Variants in RBFOX2 observed in about 807,000 individuals in gnomAD.
RBFOX2 encodes the protein RNA binding fox-1 homolog 2, also known as RNA binding protein fox-1 homolog 2.
RBFOX2 carries 10 observed loss-of-function variants against 49.1 expected under a neutral mutation model. The ratio of observed to expected loss-of-function variants is 0.20; its 90% CI spans 0.13 to 0.35. The LOEUF (loss-of-function observed/expected upper bound fraction) is 0.35. RBFOX2 is among the 10% of genes least tolerant of loss of function. The pLI is 1.00. For synonymous variants in RBFOX2, 183 were observed against 187.4 expected (o/e 0.98, Z 0.19); for missense variants, 323 against 486.9 (o/e 0.66, Z 3.17).
At chr22:35,983,483 C>A (rs1026930348) in intron 1 of RBFOX2, among the ~76,000 whole-genome samples, 3 of 152,006 alleles carry the variant, frequency 2.0e-5, no homozygotes, top group Non-Finnish European at 2.9e-5. Flanking sequence ...ATAATAATTA[C>A]TTTTAGGAGA....
intron 1 of RBFOX2, among the ~76,000 whole-genome samples, chr22:35,882,202 C>A (rs1271906673): frequency 1.3e-5 from 2 of 152,022 alleles, no homozygotes; most frequent in East Asian, 3.9e-4. Context: ...GGAAGAAAAT[C>A]AGGAAAGTAT....
intron 1 of RBFOX2, among the ~76,000 whole-genome samples, chr22:35,984,008 C>T (rs540331719): frequency 3.9e-4 from 60 of 152,270 alleles, no homozygotes; most frequent in African/African-American, 1.4e-3. Context: ...CTCTTCCACT[C>T]AGATAATTTT....
At chr22:35,897,618 G>A in intron 1 of RBFOX2, 1 of 1,338,650 alleles carries the variant, frequency 7.5e-7, no homozygotes, top group African/African-American at 1.4e-5. Flanking sequence ...CGAAAGCAAA[G>A]GTTTTCCCAT....
At chr22:35,970,676 A>T in intron 1 of RBFOX2, among the ~76,000 whole-genome samples, 1 of 152,130 alleles carries the variant, frequency 6.6e-6, no homozygotes, top group East Asian at 1.9e-4. Flanking sequence ...AAAAAACAAG[A>T]AGAAGAAATG....
upstream of RBFOX2, chr22:35,938,982 T>C: frequency 7.8e-7 from 1 of 1,282,664 alleles, no homozygotes; most frequent in Non-Finnish European, 1.1e-6. Context: ...TGATCAAATA[T>C]AAATTCCTGC....
intron 1 of RBFOX2, among the ~76,000 whole-genome samples, chr22:35,874,267 T>C (rs765259965): frequency 1.3e-5 from 2 of 151,982 alleles, no homozygotes; most frequent in Non-Finnish European, 2.9e-5. Flanking sequence ...TACAAGGCAA[T>C]GTAAAAGGTA....
chr22:35,766,773 C>A (rs559452880), intron 5 of RBFOX2, among the ~76,000 whole-genome samples: 1 of 152,214 alleles, frequency 6.6e-6, no homozygotes, highest in South Asian at 2.1e-4. Context: ...AGAGCTGAAA[C>A]CAGCTGCTGG....
chr22:35,850,972 G>A (rs897780271), intron 1 of RBFOX2, among the ~76,000 whole-genome samples: 4 of 152,102 alleles, frequency 2.6e-5, no homozygotes, highest in Non-Finnish European at 5.9e-5. Context: ...GTCCCTAATC[G>A]TGGAGAGCCA....
upstream of RBFOX2, among the ~76,000 whole-genome samples, chr22:35,845,443 A>T (rs915656937): frequency 2.0e-5 from 3 of 152,254 alleles, no homozygotes; most frequent in East Asian, 5.8e-4. Flanking sequence ...AATGCTTTAG[A>T]TCTTATAGGC....
At chr22:35,946,633 T>C (rs1176225591) in intron 1 of RBFOX2, among the ~76,000 whole-genome samples, 2 of 152,200 alleles carry the variant, frequency 1.3e-5, no homozygotes, top group African/African-American at 4.8e-5. Flanking sequence ...AAGTAGCACA[T>C]TTCCAAATAA....
chr22:35,843,720 ATTG>A (rs969454323), upstream of RBFOX2, among the ~76,000 whole-genome samples: 2 of 151,886 alleles, frequency 1.3e-5, no homozygotes, highest in Admixed American at 6.6e-5. Context: ...CATCCTCTCA[ATTG>A]TTGTTGTTAC....
At chr22:35,797,328 T>A (rs769946995) in intron 2 of RBFOX2, among the ~76,000 whole-genome samples, 10 of 152,138 alleles carry the variant, frequency 6.6e-5, no homozygotes, top group Non-Finnish European at 1.3e-4. Flanking sequence ...AAGAAAAAAA[T>A]GGTGCTCCAT....
chr22:35,861,725 C>T (rs5755967), intron 1 of RBFOX2, among the ~76,000 whole-genome samples: 12,056 of 152,154 alleles, frequency 0.079, 510 homozygotes, highest in African/African-American at 0.091. Context: ...AACAGTTTAG[C>T]AAGTTCTTAT....
intron 1 of RBFOX2, among the ~76,000 whole-genome samples, chr22:35,982,879 C>G (rs930388028): frequency 1.3e-5 from 2 of 151,866 alleles, no homozygotes; most frequent in Non-Finnish European, 2.9e-5. Context: ...GCCTACAAAA[C>G]TACCACAGCC....
At chr22:35,833,350 G>A (rs1402725118) in intron 1 of RBFOX2, among the ~76,000 whole-genome samples, 1 of 152,148 alleles carries the variant, frequency 6.6e-6, no homozygotes, top group African/African-American at 2.4e-5. Flanking sequence ...ATGAGAAAAT[G>A]AGAAGGAGTG....
intron 1 of RBFOX2, among the ~76,000 whole-genome samples, chr22:35,826,233 T>C (rs1442615633): frequency 6.7e-6 from 1 of 148,396 alleles, no homozygotes; most frequent in Non-Finnish European, 1.5e-5. Context: ...TCTCAGCTAC[T>C]CGGGAGGCTG....
Position 35,759,952 on chromosome 22 carries a change from T to G in RBFOX2, c.823A>C (p.Arg275=). 1.2e-6 allele frequency: 2 copies of G among 1,613,896 alleles called. No homozygotes were observed. Among genetic ancestry groups the G allele is most frequent in the Non-Finnish European group, 8.5e-7 (1 of 1,180,044 alleles). Residue 275 remains arginine (R), a synonymous_variant, in exon 9 of 12, where the codon AGA becomes CGA. Coordinates refer to ENST00000405409, the Ensembl canonical transcript of RBFOX2. The surrounding 1 kb of genome is among the most constrained non-coding windows in gnomAD (Gnocchi z 4.6). ...ACTGCACCATATACTGTCCGCCCTC[T>G]GCCCCTCAAATGGGCTCCTCTGAAA...
intron 1 of RBFOX2, among the ~76,000 whole-genome samples, chr22:35,921,457 T>C (rs1202093712): frequency 6.6e-6 from 1 of 152,240 alleles, no homozygotes; most frequent in African/African-American, 2.4e-5. Flanking sequence ...CGGCTGGATT[T>C]GAAGCCACAC....
chr22:35,752,547 T>C (rs1176703821), intron 9 of RBFOX2: 1 of 867,600 alleles, frequency 1.2e-6, no homozygotes, highest in Non-Finnish European at 1.4e-6. Context: ...GAATGGTTAG[T>C]ATAATTCAAT....
Sources: allele counts gnomAD v4.1 joint callset (sites outside exome capture counted in the v4.1 genomes callset), GRCh38; gene constraint gnomAD v4.1.1; non-coding constraint Gnocchi (gnomAD v3.1); transcripts MANE v1.5; gene names NCBI Gene and HGNC (gene_info 2026-07-23, HGNC 2026-07-21).